The following LPIN1 variants were observed in gnomAD, a reference collection of about 807,000 sequenced individuals.
LPIN1 encodes the protein phosphatidate phosphatase LPIN1.
LPIN1 carries 71 observed loss-of-function variants against 107.5 expected under a neutral mutation model. That is an observed-to-expected ratio of 0.66 (90% CI 0.55 to 0.80). The LOEUF (loss-of-function observed/expected upper bound fraction) is 0.80, where lower values mean the gene tolerates loss of function less well. Among genes scored for constraint, LPIN1 ranks in the 30% least tolerant of loss-of-function variants. The pLI, the probability that LPIN1 is intolerant of heterozygous loss-of-function variation, is 0.00. For missense variants in LPIN1, 1,043 were observed against 1,160.6 expected, an observed-to-expected ratio of 0.90 and a Z score of 1.47; for synonymous variants, 445 against 452.6, an observed-to-expected ratio of 0.98 and a Z score of 0.21.
rs373601856 is a variant in LPIN1 at position 11,808,245 on chromosome 2, A to G, written c.2249+3089A>G. 4.3e-4 allele frequency among the ~76,000 whole-genome samples: 66 copies of G among 152,272 alleles called. No homozygotes were observed. In the East Asian group the frequency reaches 8.0e-3, roughly 18 times the overall value. On this transcript the variant is annotated intron_variant, in intron 17 of 20. Transcript: ENST00000674199. ...CCCCATCATGGAGGACAGTCTGGAC[A>G]CGATGGCAGCCTCCAGAGCCAACCA...
intron 1 of LPIN1, among the ~76,000 whole-genome samples, chr2:11,728,064 T>C (rs2148542503): frequency 6.6e-6 from 1 of 152,342 alleles, no homozygotes; most frequent in Non-Finnish European, 1.5e-5. Flanking sequence ...CTCCTTTGTG[T>C]GGTTATGAGA....
chr2:11,824,066 C>T lies in LPIN1; in HGVS notation c.2622-566C>T, dbSNP rs531867774. ...GCATATGTTATTTTATTTAAATTATCCTTAAAACTGTGGCATAGTTTTTAT... is the reference window on the plus strand; with the variant it reads ...GCATATGTTATTTTATTTAAATTATTCTTAAAACTGTGGCATAGTTTTTAT... On this transcript the variant is annotated intron_variant, in intron 20 of 20. Coordinates refer to ENST00000674199, the MANE Select transcript of LPIN1 (RefSeq NM_001349206.2). Among the ~76,000 whole-genome samples the T allele has an allele frequency of 1.1e-4, 17 of 152,206 alleles. No individual in the cohort carries two copies. The East Asian group carries it at 3.3e-3, about 29-fold the overall frequency.
At chr2:11,795,274 G>A (rs1206742474) in intron 13 of LPIN1, 134 bp from the exon 14 acceptor site, 5 of 750,018 alleles carry the variant, frequency 6.7e-6, no homozygotes, top group Non-Finnish European at 1.2e-5. Context: ...CTGGGCGATC[G>A]CTAGGGTGGG....
intron 1 of LPIN1, among the ~76,000 whole-genome samples, chr2:11,740,101 C>A (rs1278446217): frequency 6.6e-6 from 1 of 152,166 alleles, no homozygotes; most frequent in South Asian, 2.1e-4. Context: ...CGGTGCAGGT[C>A]CTGGAGTCCG....
intron 1 of LPIN1, among the ~76,000 whole-genome samples, chr2:11,683,981 G>A (rs535542686): frequency 2.0e-5 from 3 of 152,328 alleles, no homozygotes; most frequent in Admixed American, 6.5e-5. Context: ...AGGTGAGCTC[G>A]GAAGAGTCTT....
At position 11,771,410 on chromosome 2, in the gene LPIN1, G is replaced by A. The variant is rs1278259199; in HGVS notation, c.327G>A (p.Leu109=). 2.2e-5 allele frequency: 35 copies of A among 1,614,222 alleles called. No individual in the cohort carries two copies. Among genetic ancestry groups the A allele is most frequent in the Non-Finnish European group, 2.9e-5 (34 of 1,180,040 alleles). Residue 109 remains leucine, a synonymous_variant, in exon 4 of 21, where the codon CTG becomes CTA. Transcript: ENST00000674199. The surrounding 1 kb of genome is among the most constrained non-coding windows in gnomAD (Gnocchi z 4.8). ...TGCACCTGGCCACCTCCCCCATCCT[G>A]TCAGAAGGAGCTTCGAGAATGGAAT... ...IPMHLATSPI[L]SEGASRMECQ...
intron 7 of LPIN1, among the ~76,000 whole-genome samples, chr2:11,780,354 T>C (rs987004693): frequency 2.6e-5 from 4 of 152,176 alleles, no homozygotes; most frequent in Admixed American, 2.6e-4. Context: ...TCTTGGCCCA[T>C]TGAAAAAGAA....
At chr2:11,790,387 C>A (rs1675507524) in intron 12 of LPIN1, among the ~76,000 whole-genome samples, 1 of 152,220 alleles carries the variant, frequency 6.6e-6, no homozygotes, top group African/African-American at 2.4e-5. Context: ...ATCGTCTGCT[C>A]AGACTGCCGC....
chr2:11,685,846 T>C (rs1307170778), intron 1 of LPIN1, among the ~76,000 whole-genome samples: 1 of 152,244 alleles, frequency 6.6e-6, no homozygotes, highest in Non-Finnish European at 1.5e-5. Context: ...CCTCTGTTTC[T>C]CTTTTCTCAG....
intron 18 of LPIN1, chr2:11,816,707 G>C (rs1022025492): frequency 6.6e-6 from 1 of 150,696 alleles, no homozygotes; most frequent in Non-Finnish European, 1.5e-5. Flanking sequence ...CTCTAGAATT[G>C]CTAGCGAAGG....
At chr2:11,732,335 C>T (rs1484287373) in intron 1 of LPIN1, among the ~76,000 whole-genome samples, 1 of 152,204 alleles carries the variant, frequency 6.6e-6, no homozygotes, top group Non-Finnish European at 1.5e-5. Flanking sequence ...AATTTTCCCA[C>T]ATCCAAGTTC....
At chr2:11,679,699 G>A (rs1002977000) in intron 1 of LPIN1, among the ~76,000 whole-genome samples, 11 of 152,218 alleles carry the variant, frequency 7.2e-5, no homozygotes, top group African/African-American at 2.4e-4. Context: ...CTGATCCACC[G>A]TGGTCTAGAT....
chr2:11,696,411 G>T (rs1036785573), intron 1 of LPIN1, among the ~76,000 whole-genome samples: 7 of 152,038 alleles, frequency 4.6e-5, no homozygotes, highest in African/African-American at 1.7e-4. Context: ...GAAATACTGG[G>T]TCACTTGAAT....
chr2:11,763,867 G>T (rs1670258503), intron 1 of LPIN1, among the ~76,000 whole-genome samples: 1 of 149,326 alleles, frequency 6.7e-6, no homozygotes, highest in Non-Finnish European at 1.5e-5. Flanking sequence ...CTCCAAGCCC[G>T]CCTCCAGCGC....
chr2:11,759,178 T>TTTCTTTCTTTC (rs1218127141), intron 1 of LPIN1, among the ~76,000 whole-genome samples: 1 of 143,526 alleles, frequency 7.0e-6, no homozygotes. Flanking sequence ...TCTTTCTTTC[T>TTTCTTTCTTTC]TTCTTTCTTT....
chr2:11,739,865 C>A (rs867858322), intron 1 of LPIN1, among the ~76,000 whole-genome samples: 3 of 152,098 alleles, frequency 2.0e-5, no homozygotes, highest in South Asian at 2.1e-4. Context: ...TAACCATATG[C>A]GAATGACATT....
chr2:11,721,406 T>C (rs1664137122), upstream of LPIN1, among the ~76,000 whole-genome samples: 1 of 151,832 alleles, frequency 6.6e-6, no homozygotes, highest in South Asian at 2.1e-4. Flanking sequence ...TGGTCCTCTG[T>C]TTCCCATTGT....
In LPIN1 at chr2:11,767,746, C is replaced by T. The variant is rs778671723; in HGVS notation, c.193-17C>T. On this transcript the variant is annotated splice_polypyrimidine_tract_variant and intron_variant, in intron 2 of 20. Coordinates refer to ENST00000674199, the MANE Select transcript of LPIN1 (RefSeq NM_001349206.2). ...TGAAGGCAGTTCATTCTTTTCTTAA[C>T]CATGTTTTCCCTTCAGGTTGACATA... The T allele has an allele frequency of 5.8e-6, 9 of 1,542,850 alleles. No individual in the cohort carries two copies. In the South Asian group the frequency reaches 7.8e-5, roughly 13 times the overall value.
intron 1 of LPIN1, among the ~76,000 whole-genome samples, chr2:11,729,205 T>C (rs1426223799): frequency 2.8e-4 from 42 of 152,180 alleles, no homozygotes; most frequent in Admixed American, 2.8e-3. Flanking sequence ...CATGTGGGGC[T>C]TAAAACCTAG....
Sources: gnomAD v4.1 joint callset for allele counts (sites outside exome capture counted in the v4.1 genomes callset) on GRCh38, gnomAD v4.1.1 for gene constraint, Gnocchi (gnomAD v3.1) non-coding constraint, MANE v1.5 for transcripts, NCBI Gene and HGNC (gene_info 2026-07-23, HGNC 2026-07-21) for gene names.